Variants in PALM2AKAP2 observed in about 807,000 individuals in gnomAD.
The protein encoded by PALM2AKAP2 is PALM2 and AKAP2 fusion, also known as PALM2-AKAP2 fusion protein.
In PALM2AKAP2, 37 loss-of-function variants were observed where a neutral mutation model predicts 71.5. That is an observed-to-expected ratio of 0.52 (90% confidence interval 0.40 to 0.68). The LOEUF is 0.68. PALM2AKAP2 is among the 30% of genes least tolerant of loss of function. The pLI, the probability that PALM2AKAP2 is intolerant of heterozygous loss-of-function variation, is 0.00. For missense variants in PALM2AKAP2, 1,224 were observed against 1,191.8 expected, an observed-to-expected ratio of 1.03 and a Z score of -0.40; for synonymous variants, 468 against 478.8, an observed-to-expected ratio of 0.98 and a Z score of 0.29.
chr9:110,152,166 G>A (rs892269499), intron 2 of PALM2AKAP2, among the ~76,000 whole-genome samples: 4 of 152,258 alleles, frequency 2.6e-5, no homozygotes, highest in South Asian at 2.1e-4. Flanking sequence ...GAACCTGGGA[G>A]GCAGAGGTTG....
intron 1 of PALM2AKAP2, among the ~76,000 whole-genome samples, chr9:109,664,287 T>C (rs143323135): frequency 0.022 from 3,394 of 152,364 alleles, 45 homozygotes; most frequent in Middle Eastern, 0.048. Context: ...ATAGCATTGA[T>C]GGTCTTTACA....
intron 6 of PALM2AKAP2, among the ~76,000 whole-genome samples, chr9:109,981,054 A>G (rs762457918): frequency 2.6e-4 from 39 of 152,190 alleles, no homozygotes; most frequent in Non-Finnish European, 5.0e-4. Context: ...AGTGCACTAA[A>G]GTACATAGAA....
intron 2 of PALM2AKAP2, among the ~76,000 whole-genome samples, chr9:109,876,855 A>G (rs1354879208): frequency 6.6e-6 from 1 of 152,080 alleles, no homozygotes; most frequent in Non-Finnish European, 1.5e-5. Context: ...TGTCATGCCT[A>G]TATCAAGAAA....
chr9:110,129,726 G>A (rs1835693063), intron 1 of PALM2AKAP2, among the ~76,000 whole-genome samples: 1 of 152,168 alleles, frequency 6.6e-6, no homozygotes, highest in African/African-American at 2.4e-5. Context: ...CATTTACTTG[G>A]CTAGTTGAGT....
chr9:110,092,072 C>T (rs961165897), intron 1 of PALM2AKAP2, among the ~76,000 whole-genome samples: 10 of 152,188 alleles, frequency 6.6e-5, no homozygotes, highest in African/African-American at 2.2e-4. Context: ...TGGCTCATAC[C>T]TGTAATCTCA....
At chr9:109,805,948 C>A (rs1281817114) in intron 1 of PALM2AKAP2, among the ~76,000 whole-genome samples, 1 of 152,134 alleles carries the variant, frequency 6.6e-6, no homozygotes, top group Non-Finnish European at 1.5e-5. Flanking sequence ...GGGAAGAATT[C>A]ACCTCCCAGG....
At chr9:109,660,945 GT>G (rs1197116465) in intron 1 of PALM2AKAP2, among the ~76,000 whole-genome samples, 1 of 152,076 alleles carries the variant, frequency 6.6e-6, no homozygotes, top group African/African-American at 2.4e-5. Context: ...TCATGGGTCT[GT>G]TGGCTGCATA....
At chr9:109,812,462 C>A (rs1197522390) in intron 1 of PALM2AKAP2, among the ~76,000 whole-genome samples, 1 of 151,988 alleles carries the variant, frequency 6.6e-6, no homozygotes, top group Non-Finnish European at 1.5e-5. Context: ...TAGGAGTGAG[C>A]CTGAGGGTGG....
At chr9:110,120,665 G>A (rs1462614555) in intron 1 of PALM2AKAP2, among the ~76,000 whole-genome samples, 2 of 152,152 alleles carry the variant, frequency 1.3e-5, no homozygotes, top group African/African-American at 4.8e-5. Context: ...CACTACACCC[G>A]GCTAATTTTT....
intron 1 of PALM2AKAP2, among the ~76,000 whole-genome samples, chr9:109,785,742 C>G (rs1347561747): frequency 6.6e-6 from 1 of 152,154 alleles, no homozygotes; most frequent in African/African-American, 2.4e-5. Flanking sequence ...CTACCATGTC[C>G]CTCCCACAAC....
chr9:109,720,886 G>C (rs758166557), intron 1 of PALM2AKAP2, among the ~76,000 whole-genome samples: 1 of 152,168 alleles, frequency 6.6e-6, no homozygotes, highest in Non-Finnish European at 1.5e-5. Flanking sequence ...AACCACTAGG[G>C]ATAGAGCAGT....
chr9:109,938,834 GCCTGGTAAACAT>G, intron 6 of PALM2AKAP2, among the ~76,000 whole-genome samples: 1 of 152,098 alleles, frequency 6.6e-6, no homozygotes, highest in Non-Finnish European at 1.5e-5. Context: ...TTTGAGACTA[GCCTGGTAAACAT>G]GGTGAAACCC....
chr9:109,766,483 T>C (rs1030933934), intron 1 of PALM2AKAP2, among the ~76,000 whole-genome samples: 3 of 152,208 alleles, frequency 2.0e-5, no homozygotes, highest in Admixed American at 6.5e-5. Flanking sequence ...CTCATTGCGA[T>C]TTCCTCAAAG....
At chr9:109,862,605 C>T (rs762272775) in intron 1 of PALM2AKAP2, among the ~76,000 whole-genome samples, 4 of 152,114 alleles carry the variant, frequency 2.6e-5, no homozygotes, top group Admixed American at 6.5e-5. Flanking sequence ...TGCAAAGAAA[C>T]GAGGTAGCAT....
intron 6 of PALM2AKAP2, among the ~76,000 whole-genome samples, chr9:109,941,571 G>T (rs529895739): frequency 6.6e-6 from 1 of 152,344 alleles, no homozygotes; most frequent in South Asian, 2.1e-4. Flanking sequence ...GCTGGAGTCA[G>T]TTTGGAAGCT....
chr9:110,092,600 A>G (rs1834738774), intron 1 of PALM2AKAP2, among the ~76,000 whole-genome samples: 1 of 152,186 alleles, frequency 6.6e-6, no homozygotes, highest in Non-Finnish European at 1.5e-5. Context: ...GGGCAGTGAA[A>G]TGCTGTAGAA....
At chr9:110,099,938 C>T (rs916523352) in intron 1 of PALM2AKAP2, among the ~76,000 whole-genome samples, 39 of 150,148 alleles carry the variant, frequency 2.6e-4, no homozygotes, top group South Asian at 2.1e-4. Flanking sequence ...CTCTGAGAGC[C>T]GAGAGCTGGA....
intron 1 of PALM2AKAP2, among the ~76,000 whole-genome samples, chr9:109,741,363 T>C (rs748313581): frequency 1.3e-5 from 2 of 152,202 alleles, no homozygotes; most frequent in African/African-American, 2.4e-5. Context: ...TTCCTGTTGA[T>C]GGGTAATTAG....
intron 6 of PALM2AKAP2, among the ~76,000 whole-genome samples, chr9:109,933,719 A>G (rs1324473580): frequency 6.6e-6 from 1 of 152,244 alleles, no homozygotes; most frequent in African/African-American, 2.4e-5. Context: ...TCTTTTTCAA[A>G]GTAATTTTAC....
Sources: gnomAD v4.1 joint callset for allele counts (sites outside exome capture counted in the v4.1 genomes callset) on GRCh38, gnomAD v4.1.1 for gene constraint, MANE v1.5 for transcripts, NCBI Gene and HGNC (gene_info 2026-07-23, HGNC 2026-07-21) for gene names.